CDK6: variants seen among roughly 807,000 people sequenced by gnomAD.
CDK6 encodes the protein cyclin dependent kinase 6, also known as cyclin-dependent kinase 6.
A neutral mutation model predicts 37.1 loss-of-function variants in CDK6; 6 were observed. That is an observed-to-expected ratio of 0.16 (90% CI 0.09 to 0.32). The LOEUF (loss-of-function observed/expected upper bound fraction) is 0.32. Among genes scored for constraint, CDK6 ranks in the 10% least tolerant of loss-of-function variants. The pLI is 1.00. For synonymous variants in CDK6, 160 were observed against 161.3 expected, an observed-to-expected ratio of 0.99 and a Z score of 0.06; for missense variants, 224 against 418.9, an observed-to-expected ratio of 0.53 and a Z score of 4.06.
At chr7:92,802,662 T>C (rs1800612297) in intron 2 of CDK6, among the ~76,000 whole-genome samples, 2 of 152,368 alleles carry the variant, frequency 1.3e-5, no homozygotes, top group South Asian at 4.1e-4. Context: ...TTACAATATA[T>C]GATCATTTCC....
chr7:92,707,069 C>A (rs991920125), intron 4 of CDK6, among the ~76,000 whole-genome samples: 9 of 152,114 alleles, frequency 5.9e-5, no homozygotes, highest in Non-Finnish European at 1.0e-4. Context: ...AAAGTGATTT[C>A]TAAGTAACTG....
chr7:92,640,066 C>T (rs1179272201), intron 5 of CDK6, among the ~76,000 whole-genome samples: 1 of 152,134 alleles, frequency 6.6e-6, no homozygotes, highest in Non-Finnish European at 1.5e-5. Context: ...AATACACCAC[C>T]TGGCTGCAAC....
chr7:92,675,604 A>T lies in CDK6; in HGVS notation c.538-4069T>A, dbSNP rs1056365530. On this transcript the variant is annotated intron_variant, in intron 4 of 7. Coordinates refer to ENST00000424848, the MANE Select transcript of CDK6 (RefSeq NM_001145306.2). ...TTGTGTTAATTTTTCATGTTTTGTT[A>T]TCAGGGATATTCAAGCTTCCAATCT... is the stretch of plus-strand genomic sequence containing the variant. Among the ~76,000 whole-genome samples, 45 of 152,184 alleles carry T rather than the reference A, an allele frequency of 3.0e-4. 1 individual carries two copies. Among genetic ancestry groups the T allele is most frequent in the African/African-American group, 1.0e-3 (42 of 41,456 alleles).
At chr7:92,622,957 T>C in intron 6 of CDK6, 79 bp downstream of exon 6, 1 of 830,782 alleles carries the variant, frequency 1.2e-6, no homozygotes. Flanking sequence ...GATAAACACA[T>C]GATATGCATG....
Position 92,835,911 on chromosome 7 carries a change from G to A in CDK6, c.-368+567C>T, listed in dbSNP as rs970617653. 3.4e-4 allele frequency among the ~76,000 whole-genome samples: 51 copies of A among 152,228 alleles called. No homozygotes were observed. Among genetic ancestry groups the A allele is most frequent in the African/African-American group, 1.1e-3 (45 of 41,454 alleles). On this transcript the variant is annotated intron_variant, in intron 1 of 7. Coordinates refer to ENST00000424848, the MANE Select transcript of CDK6 (RefSeq NM_001145306.2). The surrounding 1 kb of genome is among the most constrained non-coding windows in gnomAD (Gnocchi z 4.2). ...GGGGCTCCAAGCCTGGGCACTGGCC[G>A]GCTGCGTGCACTTTTCTGTGTATAA...
intron 5 of CDK6, among the ~76,000 whole-genome samples, chr7:92,649,241 T>C (rs1444724362): frequency 2.0e-5 from 3 of 152,212 alleles, no homozygotes; most frequent in Admixed American, 2.0e-4. Context: ...CATGAAACAC[T>C]ATTCCATGAA....
chr7:92,731,543 A>G (rs912704426), intron 3 of CDK6, among the ~76,000 whole-genome samples: 2 of 152,214 alleles, frequency 1.3e-5, no homozygotes, highest in Non-Finnish European at 2.9e-5. Flanking sequence ...CCTCAGGAGA[A>G]ACAAAGGCAT....
chr7:92,717,446 GGGAAA>G (rs1214240430), intron 4 of CDK6, among the ~76,000 whole-genome samples: 3 of 143,610 alleles, frequency 2.1e-5, no homozygotes, highest in Non-Finnish European at 4.5e-5. Flanking sequence ...AAGAAAGGAA[GGGAAA>G]GGAAAGAAGA....
intron 3 of CDK6, among the ~76,000 whole-genome samples, chr7:92,748,987 T>C (rs1799124591): frequency 6.6e-6 from 1 of 151,442 alleles, no homozygotes; most frequent in Non-Finnish European, 1.5e-5. Flanking sequence ...TATCACAAGG[T>C]CAGGAGTTTG....
At chr7:92,755,737 T>C (rs1799300990) in intron 3 of CDK6, among the ~76,000 whole-genome samples, 3 of 152,086 alleles carry the variant, frequency 2.0e-5, no homozygotes, top group South Asian at 2.1e-4. Context: ...AAGGTATAAG[T>C]TGGGGTGCGG....
chr7:92,766,988 C>A (rs571218770), intron 3 of CDK6, among the ~76,000 whole-genome samples: 1 of 152,230 alleles, frequency 6.6e-6, no homozygotes, highest in East Asian at 1.9e-4. Context: ...ACCCCCTGTA[C>A]CCCACCAAAG....
intron 2 of CDK6, among the ~76,000 whole-genome samples, chr7:92,791,097 A>T (rs1331025146): frequency 1.3e-5 from 2 of 152,186 alleles, no homozygotes; most frequent in African/African-American, 2.4e-5. Context: ...ATTGGCAGCA[A>T]GGATGGAGAG....
At chr7:92,702,147 T>C (rs911408133) in intron 4 of CDK6, among the ~76,000 whole-genome samples, 10 of 151,858 alleles carry the variant, frequency 6.6e-5, no homozygotes, top group African/African-American at 2.4e-4. Flanking sequence ...CTTATAAGGC[T>C]GATTCTTTCC....
intron 3 of CDK6, among the ~76,000 whole-genome samples, chr7:92,764,651 TACA>T (rs916162014): frequency 1.3e-4 from 20 of 152,252 alleles, no homozygotes; most frequent in African/African-American, 4.3e-4. Context: ...TGACAGTAAC[TACA>T]ACATTATTCT....
chr7:92,766,605 T>C (rs1380953001), intron 3 of CDK6, among the ~76,000 whole-genome samples: 2 of 152,184 alleles, frequency 1.3e-5, no homozygotes, highest in African/African-American at 4.8e-5. Flanking sequence ...CAGTGAAGCC[T>C]TGGATGTTCC....
intron 4 of CDK6, among the ~76,000 whole-genome samples, chr7:92,718,095 C>A (rs1202997142): frequency 1.3e-5 from 2 of 152,158 alleles, no homozygotes; most frequent in Non-Finnish European, 2.9e-5. Context: ...CTGTGCACTG[C>A]CCCCATTGTG....
chr7:92,673,982 G>A (rs1218408797), intron 4 of CDK6, among the ~76,000 whole-genome samples: 2 of 151,508 alleles, frequency 1.3e-5, no homozygotes, highest in African/African-American at 4.8e-5. Flanking sequence ...GTTTCACCAT[G>A]TTGCTCAGGC....
chr7:92,833,638 G>A lies in CDK6; in HGVS notation c.-315C>T, dbSNP rs1801560827. ...TCCTCGAAGCGAAGTCCTCAACACAGACACGATTACATAGCCTCTGCCCAA... is the reference window on the plus strand; with the variant it reads ...TCCTCGAAGCGAAGTCCTCAACACAAACACGATTACATAGCCTCTGCCCAA... On this transcript the variant is annotated 5_prime_UTR_variant, in exon 2 of 8. Coordinates refer to ENST00000424848, the MANE Select transcript of CDK6 (RefSeq NM_001145306.2). The surrounding 1 kb of genome is among the most constrained non-coding windows in gnomAD (Gnocchi z 6.1). 1 of 513,182 alleles carries A rather than the reference G, an allele frequency of 1.9e-6. No homozygotes were observed. The highest frequency in any genetic ancestry group is 3.3e-5 in the East Asian group (1 of 30,086). The allele number at this position is 513,182 out of a possible 1,614,324, so 31.8% of individuals were successfully genotyped here.
At chr7:92,832,544 C>T (rs553987755) in intron 2 of CDK6, among the ~76,000 whole-genome samples, 128 of 152,312 alleles carry the variant, frequency 8.4e-4, no homozygotes, top group African/African-American at 3.0e-3. Flanking sequence ...TACTACGCAA[C>T]TTTAATAAAG....
Sources: allele counts gnomAD v4.1 joint callset (sites outside exome capture counted in the v4.1 genomes callset), GRCh38; gene constraint gnomAD v4.1.1; non-coding constraint Gnocchi (gnomAD v3.1); transcripts MANE v1.5; gene names NCBI Gene and HGNC (gene_info 2026-07-23, HGNC 2026-07-21).